The following MAP7 variants were observed in gnomAD, a reference collection of about 807,000 sequenced individuals.
MAP7 encodes the protein ensconsin.
In MAP7, 52 loss-of-function variants were observed where a neutral mutation model predicts 94.8. The observed-to-expected ratio is 0.55, with a 90% CI of 0.44 to 0.69. MAP7 has a LOEUF of 0.69. Among genes scored for constraint, MAP7 ranks in the 30% least tolerant of loss-of-function variants. MAP7 has a pLI of 0.00. For missense variants in MAP7, 940 were observed against 964.6 expected (o/e 0.97, Z 0.34); for synonymous variants, 350 against 357.0 (o/e 0.98, Z 0.22).
At chr6:136,366,107 C>T in intron 9 of MAP7, 89 bp from the exon 10 acceptor site, 1 of 1,351,448 alleles carries the variant, frequency 7.4e-7, no homozygotes. Context: ...GAAGAGAATG[C>T]AGATATTTAG....
intron 1 of MAP7, among the ~76,000 whole-genome samples, chr6:136,456,419 C>T (rs1802874569): frequency 1.3e-5 from 2 of 152,140 alleles, no homozygotes; most frequent in Non-Finnish European, 2.9e-5. Context: ...TGTCTGTAAT[C>T]CCAGCACTTT....
At chr6:136,508,284 C>T (rs543090508) in intron 1 of MAP7, among the ~76,000 whole-genome samples, 27 of 151,850 alleles carry the variant, frequency 1.8e-4, no homozygotes, top group South Asian at 1.2e-3. Flanking sequence ...CAAGATCACA[C>T]GACTGCTCTC....
At chr6:136,425,832 T>C (rs1455764251) in intron 1 of MAP7, among the ~76,000 whole-genome samples, 1 of 152,212 alleles carries the variant, frequency 6.6e-6, no homozygotes, top group African/African-American at 2.4e-5. Context: ...GGAGTTAGCA[T>C]AAGACAAACC....
At chr6:136,529,307 A>G (rs2129055738) in intron 1 of MAP7, among the ~76,000 whole-genome samples, 1 of 151,952 alleles carries the variant, frequency 6.6e-6, no homozygotes, top group Admixed American at 6.5e-5. Flanking sequence ...TTTAGTAGAG[A>G]TGGGGTTTCA....
chr6:136,361,645 G>A (rs1426652139), intron 11 of MAP7, among the ~76,000 whole-genome samples: 14 of 152,210 alleles, frequency 9.2e-5, no homozygotes, highest in Admixed American at 7.9e-4. Flanking sequence ...GCGGTCCAGC[G>A]AGTGCATGAG....
intron 16 of MAP7, among the ~76,000 whole-genome samples, chr6:136,347,676 G>A (rs1429481183): frequency 1.3e-5 from 2 of 152,110 alleles, no homozygotes; most frequent in African/African-American, 2.4e-5. Context: ...AAAGTGCTGG[G>A]ATTACAGCCA....
At position 136,466,944 on chromosome 6, in the gene MAP7, C is replaced by G. The variant is rs570931380; in HGVS notation, c.68-45145G>C. The G allele has an allele frequency of 5.8e-6, 8 of 1,383,172 alleles. No homozygotes were observed. In the South Asian group the frequency reaches 1.3e-4, roughly 22 times the overall value. The allele number at this position is 1,383,172 out of a possible 1,614,324, so 85.7% of individuals were successfully genotyped here. The stretch of plus-strand genomic sequence containing the variant: ...AGCTTGAGGTAGCTCAAGAGGAGAG[C>G]AAAGGGTGGTGAGACATACAACTCG... On this transcript the variant is annotated intron_variant, in intron 1 of 17. Transcript: ENST00000354570.
intron 16 of MAP7, among the ~76,000 whole-genome samples, chr6:136,348,022 C>A (rs78375964): frequency 7.8e-4 from 113 of 145,156 alleles, no homozygotes; most frequent in Middle Eastern, 3.4e-3. Context: ...CCCCCCCCCC[C>A]AAGTCACGTG....
intron 1 of MAP7, among the ~76,000 whole-genome samples, chr6:136,529,196 C>A (rs899524854): frequency 6.6e-6 from 1 of 152,184 alleles, no homozygotes; most frequent in Non-Finnish European, 1.5e-5. Flanking sequence ...CTCACTGCAA[C>A]CTCCACCTCG....
At chr6:136,389,866 T>C (rs1780216803) in intron 3 of MAP7, among the ~76,000 whole-genome samples, 1 of 152,192 alleles carries the variant, frequency 6.6e-6, no homozygotes, top group African/African-American at 2.4e-5. Flanking sequence ...TTTTTTTTAT[T>C]ATAAAACAAT....
At chr6:136,365,634 A>C (rs1296370278) in intron 10 of MAP7, 101 bp downstream of exon 10, 1 of 1,297,782 alleles carries the variant, frequency 7.7e-7, no homozygotes, top group Non-Finnish European at 1.1e-6. Context: ...AAAATTTCCA[A>C]GTCTCCAATA....
rs185701375 is a variant in MAP7, at chr6:136,504,836, C to T, written c.67+45506G>A. Among the ~76,000 whole-genome samples, 7 of 152,150 alleles carry T rather than the reference C, an allele frequency of 4.6e-5. No homozygotes were observed. The East Asian group carries it at 9.7e-4, about 21-fold the overall frequency. ...CTGGGATTACAGGCATGTGCCACAA[C>T]GCCTGGCTAATTTTTGTATTTTTAG... On this transcript the variant is annotated intron_variant, in intron 1 of 17. Coordinates refer to ENST00000354570, the MANE Select transcript of MAP7 (RefSeq NM_003980.6).
intron 1 of MAP7, among the ~76,000 whole-genome samples, chr6:136,512,687 A>G (rs555532730): frequency 4.1e-4 from 63 of 152,332 alleles, no homozygotes; most frequent in African/African-American, 1.4e-3. Context: ...ATTAAAAACT[A>G]CTTGATTGCT....
chr6:136,392,388 C>CTTTTTTTT (rs11347286), intron 3 of MAP7, among the ~76,000 whole-genome samples: 2 of 102,602 alleles, frequency 1.9e-5, no homozygotes, highest in East Asian at 2.8e-4. Flanking sequence ...CTGCATCTTG[C>CTTTTTTTT]TTTTTTTTTT....
chr6:136,419,178 C>G (rs778046537), intron 2 of MAP7, among the ~76,000 whole-genome samples: 2 of 152,080 alleles, frequency 1.3e-5, no homozygotes, highest in Non-Finnish European at 2.9e-5. Context: ...ATTGGTTTAT[C>G]CATCATACTG....
intron 10 of MAP7, among the ~76,000 whole-genome samples, chr6:136,363,206 A>C (rs1294264665): frequency 1.3e-5 from 2 of 152,228 alleles, no homozygotes; most frequent in Admixed American, 6.5e-5. Flanking sequence ...TCTAGGTCTG[A>C]GATGGGAGGA....
At chr6:136,352,693 T>G (rs753059982) in intron 16 of MAP7, among the ~76,000 whole-genome samples, 1 of 152,148 alleles carries the variant, frequency 6.6e-6, no homozygotes, top group Non-Finnish European at 1.5e-5. Flanking sequence ...GTAAACATAA[T>G]AGGAGGATTC....
At chr6:136,546,044 G>A (rs1157010255) in intron 1 of MAP7, among the ~76,000 whole-genome samples, 1 of 151,994 alleles carries the variant, frequency 6.6e-6, no homozygotes, top group African/African-American at 2.4e-5. Flanking sequence ...ACATGGTCTC[G>A]CTCTGTCACC....
At chr6:136,414,844 T>C (rs942292074) in intron 2 of MAP7, among the ~76,000 whole-genome samples, 1 of 151,276 alleles carries the variant, frequency 6.6e-6, no homozygotes, top group Non-Finnish European at 1.5e-5. Flanking sequence ...AGAGTTTCCT[T>C]GCTCTTGCTG....
Sources: gnomAD v4.1 joint callset for allele counts (sites outside exome capture counted in the v4.1 genomes callset) on GRCh38, gnomAD v4.1.1 for gene constraint, MANE v1.5 for transcripts, NCBI Gene and HGNC (gene_info 2026-07-23, HGNC 2026-07-21) for gene names.